Variants in KMT2A observed in about 807,000 individuals in gnomAD.
KMT2A encodes histone-lysine N-methyltransferase 2A.
Under a neutral mutation model 345.3 loss-of-function variants are expected in KMT2A, and 16 were observed. The observed-to-expected ratio is 0.05, with a 90% CI of 0.03 to 0.07. The LOEUF (loss-of-function observed/expected upper bound fraction) is 0.07. Among genes scored for constraint, KMT2A ranks in the 10% least tolerant of loss-of-function variants. KMT2A has a pLI of 1.00. For missense variants in KMT2A, 3,272 were observed against 4,841.6 expected (o/e 0.68, Z 9.62); for synonymous variants, 1,599 against 1,778.6 (o/e 0.90, Z 2.54).
At position 118,522,564 on chromosome 11, in the gene KMT2A, G is replaced by A; in HGVS notation, c.*392G>A. 3.9e-6 allele frequency: 1 copy of A among 253,426 alleles called. No individual in the cohort carries two copies. The highest frequency in any genetic ancestry group is 7.8e-6 in the Non-Finnish European group (1 of 128,786). The allele number at this position is 253,426 out of a possible 1,614,324, so 15.7% of individuals were successfully genotyped here. On this transcript the variant is annotated 3_prime_UTR_variant, in exon 36 of 36. Transcript: ENST00000534358. The surrounding 1 kb of genome is among the most constrained non-coding windows in gnomAD (Gnocchi z 5.4). ...GTTGGCCCTTTCCCAAGCACTGTAA[G>A]TGAGTGGGTCAGGCAAAGCCCCAAA...
intron 27 of KMT2A, 89 bp downstream of exon 27, chr11:118,506,735 C>A: frequency 7.4e-7 from 1 of 1,344,230 alleles, no homozygotes; most frequent in Non-Finnish European, 1.0e-6. Context: ...GGGAGAGACA[C>A]TCTTCTGTTC....
In KMT2A at chr11:118,509,961, G is replaced by A; in HGVS notation, c.10914G>A (p.Val3638=). 1.2e-6 allele frequency: 2 copies of A among 1,609,430 alleles called. No homozygotes were observed. Among genetic ancestry groups the A allele is most frequent in the Non-Finnish European group, 1.7e-6 (2 of 1,177,614 alleles). Residue 3638 remains valine, a synonymous_variant, in exon 30 of 36, where the codon GTG becomes GTA. Transcript: ENST00000534358. ...NEQESAEPKT[V]EEEESNFSSP... ...TCTCCCTATTAGAACCTAAAACAGT[G>A]GAAGAAGAGGAAAGTAATTTCAGCT...
chr11:118,517,576 C>T (rs1950849438), intron 31 of KMT2A, among the ~76,000 whole-genome samples: 1 of 152,108 alleles, frequency 6.6e-6, no homozygotes, highest in Admixed American at 6.5e-5. Flanking sequence ...TGGCTCACAC[C>T]TGTAATCCTA....
At chr11:118,512,663 G>A (rs1555050428) in intron 31 of KMT2A, among the ~76,000 whole-genome samples, 1 of 152,058 alleles carries the variant, frequency 6.6e-6, no homozygotes, top group East Asian at 1.9e-4. Flanking sequence ...GAGTGGAATG[G>A]CTGGGTCATA....
At chr11:118,467,561 C>T (rs1342407686) in intron 1 of KMT2A, among the ~76,000 whole-genome samples, 3 of 152,136 alleles carry the variant, frequency 2.0e-5, no homozygotes, top group Non-Finnish European at 4.4e-5. Flanking sequence ...TTTTGCTCCT[C>T]TAAAGCATTT....
In KMT2A at chr11:118,526,631, T is replaced by A. The variant is rs1295008266; in HGVS notation, c.*4459T>A. The A allele has an allele frequency of 1.7e-5, 4 of 230,552 alleles. No homozygotes were observed. Among genetic ancestry groups the A allele is most frequent in the Non-Finnish European group, 3.4e-5 (4 of 116,726 alleles). The allele number at this position is 230,552 out of a possible 1,614,324, so 14.3% of individuals were successfully genotyped here. A position where few individuals can be genotyped will look rare whatever the true frequency, so the allele number is the denominator to read the frequency against. ...GTGTCTAAAGTCCATCAGTGTTAAC[T>A]CCCTGTGACAGGGATGAAGGAAAAT... On this transcript the variant is annotated 3_prime_UTR_variant, in exon 36 of 36. Coordinates refer to ENST00000534358, the MANE Select transcript of KMT2A (RefSeq NM_001197104.2).
At position 118,521,098 on chromosome 11, in the gene KMT2A, C is replaced by T. The variant is rs537983656; in HGVS notation, c.11514-190C>T. The T allele has an allele frequency of 1.7e-4, 115 of 677,750 alleles. 2 individuals are homozygous for T. The South Asian group carries it at 2.2e-3, about 13-fold the overall frequency. The allele number at this position is 677,750 out of a possible 1,614,324, so 42.0% of individuals were successfully genotyped here. On this transcript the variant is annotated intron_variant, in intron 34 of 35. Coordinates refer to ENST00000534358, the MANE Select transcript of KMT2A (RefSeq NM_001197104.2). The surrounding 1 kb of genome is among the most constrained non-coding windows in gnomAD (Gnocchi z 5.3). ...TAAAATATTACTGCTTCCAGCGGGTCACAGAATGGAAATAACTTTCATCTT... is the reference window on the plus strand; with the variant it reads ...TAAAATATTACTGCTTCCAGCGGGTTACAGAATGGAAATAACTTTCATCTT...
In KMT2A at chr11:118,484,158, C is replaced by A; in HGVS notation, c.4087-25C>A. The A allele has an allele frequency of 5.0e-6, 8 of 1,611,402 alleles. No individual in the cohort carries two copies. Among genetic ancestry groups the A allele is most frequent in the Non-Finnish European group, 6.8e-6 (8 of 1,178,898 alleles). ...AAGGCAAATAGGGTGTGATTTTGTTCTATATTCATCTTTTGTCTCCTTAGG... is the reference window on the plus strand; with the variant it reads ...AAGGCAAATAGGGTGTGATTTTGTTATATATTCATCTTTTGTCTCCTTAGG... On this transcript the variant is annotated intron_variant, in intron 8 of 35. Coordinates refer to ENST00000534358, the MANE Select transcript of KMT2A (RefSeq NM_001197104.2). This position sits in a 1 kb window ranked among gnomAD's most constrained non-coding sequence, Gnocchi z 4.1.
chr11:118,489,968 A>G (rs1388433437), intron 12 of KMT2A, 81 bp downstream of exon 12: 18 of 1,433,888 alleles, frequency 1.3e-5, no homozygotes, highest in Admixed American at 5.4e-5. Context: ...ACAAATATCT[A>G]TGCTTGAGGA....
Position 118,519,488 on chromosome 11 carries a change from G to T in KMT2A, c.11147-130G>T, listed in dbSNP as rs1486151401. ...AATGGCTATCTGATGCTAATTTCGA[G>T]CTAATATGTACTATAATTCACCCTG... On this transcript the variant is annotated intron_variant, in intron 31 of 35. Coordinates refer to ENST00000534358, the MANE Select transcript of KMT2A (RefSeq NM_001197104.2). 3 of 687,342 alleles carry T rather than the reference G, an allele frequency of 4.4e-6. No homozygotes were observed. In the African/African-American group the frequency reaches 5.3e-5, roughly 12 times the overall value. 42.6% of individuals were successfully genotyped at this position (687,342 alleles called of 1,614,324 possible).
chr11:118,455,301 A>G (rs1324401363), intron 1 of KMT2A, among the ~76,000 whole-genome samples: 1 of 152,202 alleles, frequency 6.6e-6, no homozygotes, highest in Non-Finnish European at 1.5e-5. Context: ...TGAGAGTCAA[A>G]CAGTACCTGG....
rs1555042061 is a variant in KMT2A, at chr11:118,490,031, A to G, written c.4576-98A>G. On this transcript the variant is annotated intron_variant, in intron 12 of 35. Transcript: ENST00000534358. This position sits in a 1 kb window ranked among gnomAD's most constrained non-coding sequence, Gnocchi z 4.2. Reference sequence around the variant, plus strand: ...TTACTAGGAAATCATCTCAGCAGAGAAATTAAATCTATAAATGGATGCATT... The same window carrying G: ...TTACTAGGAAATCATCTCAGCAGAGGAATTAAATCTATAAATGGATGCATT... 6.9e-7 allele frequency: 1 copy of G among 1,444,440 alleles called. No homozygotes were observed. Among genetic ancestry groups the G allele is most frequent in the African/African-American group, 1.4e-5 (1 of 70,174 alleles). 89.5% of individuals were successfully genotyped at this position (1,444,440 alleles called of 1,614,324 possible). A position where few individuals can be genotyped will look rare whatever the true frequency, so the allele number is the denominator to read the frequency against.
At chr11:118,482,613 C>T (rs1300832907) in intron 8 of KMT2A, 118 bp downstream of exon 8, 8 of 742,210 alleles carry the variant, frequency 1.1e-5, no homozygotes, top group Admixed American at 2.5e-5. Flanking sequence ...TAAGAAACTT[C>T]AAGTTTAGGC....
Position 118,504,761 on chromosome 11 carries a change from G to A in KMT2A, c.8869G>A (p.Asp2957Asn), listed in dbSNP as rs2134401229. The change falls in exon 27 of 36, where the codon GAC becomes AAC. Residue 2957 changes from aspartate (D) to asparagine (N), a missense_variant. Physicochemically the swap from Asp to Asn is conservative, Grantham distance 23. Around this residue, in one of 27 missense-constraint regions of KMT2A, gnomAD observed 748 missense variants for 922.2 expected, o/e 0.81. Coordinates refer to ENST00000534358, the MANE Select transcript of KMT2A (RefSeq NM_001197104.2). This position sits in a 1 kb window ranked among gnomAD's most constrained non-coding sequence, Gnocchi z 6.4. ...TCCCAGTAGACTAGCTGTTATCTCAGACTCAGGGGAGAAGAGAGTAACCAT... is the reference window on the plus strand; with the variant it reads ...TCCCAGTAGACTAGCTGTTATCTCAAACTCAGGGGAGAAGAGAGTAACCAT... The part of the protein sequence containing the change: ...QNPSRLAVIS[D>N]SGEKRVTITE... 2 of 1,614,046 alleles carry A rather than the reference G, an allele frequency of 1.2e-6. No individual in the cohort carries two copies. The highest frequency in any genetic ancestry group is 1.7e-6 in the Non-Finnish European group (2 of 1,180,008).
chr11:118,491,867 A>G lies in KMT2A; in HGVS notation c.4943A>G (p.Lys1648Arg). The G allele has an allele frequency of 6.2e-7, 1 of 1,614,116 alleles. No homozygotes were observed. Among genetic ancestry groups the G allele is most frequent in the Non-Finnish European group, 8.5e-7 (1 of 1,180,032 alleles). Residue 1648 changes from lysine to arginine, a missense_variant, in exon 15 of 36, where the codon AAG (lysine) becomes AGG (arginine). Transcript: ENST00000534358. This position sits in a 1 kb window ranked among gnomAD's most constrained non-coding sequence, Gnocchi z 4.2. ...GAAAAAGAGCTGCAGATTTCTCTGA[A>G]GCAAGTTCTGACAGCTTTGTTGAAT... ...ALEKELQISLKQVLTALLNSR... is the reference protein window; with the variant it reads ...ALEKELQISLRQVLTALLNSR...
chr11:118,504,243 A>G lies in KMT2A; in HGVS notation c.8351A>G (p.Asp2784Gly), dbSNP rs1040253228. Residue 2784 changes from aspartate to glycine, a missense_variant, in exon 27 of 36, where the codon GAT becomes GGT. Asp to Gly is a moderately conservative substitution (Grantham distance 94). Coordinates refer to ENST00000534358, the MANE Select transcript of KMT2A (RefSeq NM_001197104.2). The surrounding 1 kb of genome is among the most constrained non-coding windows in gnomAD (Gnocchi z 6.4). ...GGCCACAAAAATGAGCCAAAGATGG[A>G]TAACTGCCATTCTGTAAGCAGAGTT... Reference protein sequence around the residue: ...SVGHKNEPKMDNCHSVSRVKT... With the variant: ...SVGHKNEPKMGNCHSVSRVKT... 4 of 1,614,218 alleles carry G rather than the reference A, an allele frequency of 2.5e-6. No homozygotes were observed. The South Asian group carries it at 4.4e-5, about 18-fold the overall frequency.
chr11:118,504,523 C>A lies in KMT2A; in HGVS notation c.8631C>A (p.Leu2877=). The change falls in exon 27 of 36, where the codon CTC becomes CTA. Residue 2877 remains leucine, a synonymous_variant. Coordinates refer to ENST00000534358, the MANE Select transcript of KMT2A (RefSeq NM_001197104.2). This position sits in a 1 kb window ranked among gnomAD's most constrained non-coding sequence, Gnocchi z 6.4. ...GESPESSSSE[L]LNLGEGLGLD... Reference sequence around the variant, plus strand: ...GCCCAGAGTCATCTTCATCAGAACTCCTGAATCTTGGTGAAGGATTGGGTC... The same window carrying A: ...GCCCAGAGTCATCTTCATCAGAACTACTGAATCTTGGTGAAGGATTGGGTC... 2 of 1,614,160 alleles carry A rather than the reference C, an allele frequency of 1.2e-6. No homozygotes were observed. Among genetic ancestry groups the A allele is most frequent in the Non-Finnish European group, 1.7e-6 (2 of 1,179,998 alleles).
intron 31 of KMT2A, chr11:118,512,463 A>G (rs891921289): frequency 8.9e-5 from 15 of 169,288 alleles, no homozygotes; most frequent in Admixed American, 3.1e-4. Context: ...CTTCCCTTCC[A>G]CATCAGTACT....
In KMT2A at chr11:118,522,250, C is replaced by T; in HGVS notation, c.*78C>T. 6.5e-7 allele frequency: 1 copy of T among 1,527,100 alleles called. No individual in the cohort carries two copies. The highest frequency in any genetic ancestry group is 8.9e-7 in the Non-Finnish European group (1 of 1,117,690). The allele number at this position is 1,527,100 out of a possible 1,614,324, so 94.6% of individuals were successfully genotyped here. A position where few individuals can be genotyped will look rare whatever the true frequency, so the allele number is the denominator to read the frequency against. ...CAACGCTGAAGGCCTTTTCCAGCAG[C>T]TGGGAGCTCCCGGATTGCGTGGCAC... On this transcript the variant is annotated 3_prime_UTR_variant, in exon 36 of 36. Transcript: ENST00000534358. The surrounding 1 kb of genome is among the most constrained non-coding windows in gnomAD (Gnocchi z 5.4).
Sources: allele counts gnomAD v4.1 joint callset (sites outside exome capture counted in the v4.1 genomes callset), GRCh38; gene constraint gnomAD v4.1.1; regional missense constraint gnomAD v4.1.1; non-coding constraint Gnocchi (gnomAD v3.1); transcripts MANE v1.5; gene names NCBI Gene and HGNC (gene_info 2026-07-23, HGNC 2026-07-21).